Variants in RBM20 observed in about 807,000 individuals in gnomAD.
The protein encoded by RBM20 is RNA binding motif protein 20, also known as RNA-binding protein 20.
A neutral mutation model predicts 110.1 loss-of-function variants in RBM20; 51 were observed. The ratio of observed to expected loss-of-function variants is 0.46; its 90% confidence interval spans 0.37 to 0.59. The LOEUF is 0.59. Among genes scored for constraint, RBM20 ranks in the 20% least tolerant of loss-of-function variants. The pLI is 0.00. For missense variants in RBM20, 1,512 were observed against 1,574.9 expected (o/e 0.96, Z 0.68); for synonymous variants, 589 against 618.2 (o/e 0.95, Z 0.70).
chr10:110,689,460 A>G (rs1321386113), intron 1 of RBM20, among the ~76,000 whole-genome samples: 1 of 152,246 alleles, frequency 6.6e-6, no homozygotes, highest in African/African-American at 2.4e-5. Context: ...TCCATGGGCC[A>G]GCCTTCCCTT....
rs1413481295 is a variant in RBM20 at position 110,830,801 on chromosome 10, A to G, written c.3452-260A>G. Among the ~76,000 whole-genome samples the G allele has an allele frequency of 3.9e-5, 6 of 152,300 alleles. No individual in the cohort carries two copies. The East Asian group carries it at 1.2e-3, about 29-fold the overall frequency. ...AGAACAGGCCAGCGGCAGGCCATGG[A>G]ATGGCTAAGTGCTTACCACACCGCC... is the stretch of plus-strand genomic sequence containing the variant. On this transcript the variant is annotated intron_variant, in intron 12 of 13. Coordinates refer to ENST00000369519, the MANE Select transcript of RBM20 (RefSeq NM_001134363.3).
At chr10:110,649,245 T>A (rs963484912) in intron 1 of RBM20, among the ~76,000 whole-genome samples, 3 of 151,634 alleles carry the variant, frequency 2.0e-5, no homozygotes, top group African/African-American at 7.3e-5. Flanking sequence ...ATTTATTTAT[T>A]TATATATTTA....
At chr10:110,774,357 C>G (rs7909102) in intron 1 of RBM20, among the ~76,000 whole-genome samples, 3,135 of 152,286 alleles carry the variant, frequency 0.021, 113 homozygotes, top group African/African-American at 0.072. Context: ...GGCCCAAACA[C>G]AGAATAGCAG....
chr10:110,779,831 G>C (rs1564843348), intron 1 of RBM20, among the ~76,000 whole-genome samples: 1 of 152,202 alleles, frequency 6.6e-6, no homozygotes, highest in African/African-American at 2.4e-5. Context: ...ATTCAGACAG[G>C]AAGACAATTC....
intron 5 of RBM20, among the ~76,000 whole-genome samples, chr10:110,790,773 A>G (rs965489136): frequency 1.3e-5 from 2 of 152,112 alleles, no homozygotes; most frequent in Non-Finnish European, 2.9e-5. Context: ...TCATTTTTGT[A>G]TTTACCTTAA....
chr10:110,651,976 T>G (rs1331455367), intron 1 of RBM20, among the ~76,000 whole-genome samples: 1 of 152,210 alleles, frequency 6.6e-6, no homozygotes, highest in Non-Finnish European at 1.5e-5. Flanking sequence ...AAGTCTGTGA[T>G]TAAATCTTGA....
intron 5 of RBM20, among the ~76,000 whole-genome samples, chr10:110,793,323 C>A (rs981650296): frequency 6.6e-6 from 1 of 152,202 alleles, no homozygotes; most frequent in Non-Finnish European, 1.5e-5. Flanking sequence ...TGTCCCGCAT[C>A]TTCATATTTG....
intron 1 of RBM20, among the ~76,000 whole-genome samples, chr10:110,715,675 C>G (rs978040321): frequency 6.6e-6 from 1 of 152,208 alleles, no homozygotes; most frequent in African/African-American, 2.4e-5. Context: ...CCATATGATT[C>G]CTCAGGGACT....
At chr10:110,685,799 CTT>C (rs201357996) in intron 1 of RBM20, among the ~76,000 whole-genome samples, 1 of 151,454 alleles carries the variant, frequency 6.6e-6, no homozygotes, top group Non-Finnish European at 1.5e-5. Context: ...CAGGGCAAGA[CTT>C]TTTTTTTCGG....
chr10:110,808,031 G>A (rs1024930662), intron 7 of RBM20, among the ~76,000 whole-genome samples: 1 of 152,230 alleles, frequency 6.6e-6, no homozygotes, highest in East Asian at 1.9e-4. Flanking sequence ...CTGTGTGAAG[G>A]CAGTGCTGTG....
intron 1 of RBM20, among the ~76,000 whole-genome samples, chr10:110,746,292 A>T (rs1472820943): frequency 6.6e-6 from 1 of 152,210 alleles, no homozygotes; most frequent in African/African-American, 2.4e-5. Context: ...AAAGCAAGTC[A>T]AGAGCCCAGC....
At chr10:110,784,744 G>T in intron 4 of RBM20, 48 bp from the exon 5 acceptor site, 1 of 1,205,280 alleles carries the variant, frequency 8.3e-7, no homozygotes, top group South Asian at 1.3e-5. Flanking sequence ...AATGACTTTT[G>T]ATGTTACATT....
intron 12 of RBM20, among the ~76,000 whole-genome samples, chr10:110,827,236 C>T (rs985373427): frequency 8.6e-5 from 13 of 151,846 alleles, no homozygotes; most frequent in African/African-American, 2.7e-4. Context: ...ATAAAACTAG[C>T]CAGGAGTTGT....
rs1188914811 is a variant in RBM20, at chr10:110,739,258, G to A, written c.192-41543G>A. ...GCTGTGTTTTTAGGAAGATATTTGA[G>A]CAGGAGATCATGAAAATTTTGCAAG... is the stretch of plus-strand genomic sequence containing the variant. On this transcript the variant is annotated intron_variant, in intron 1 of 13. Transcript: ENST00000369519. This position sits in a 1 kb window ranked among gnomAD's most constrained non-coding sequence, Gnocchi z 4.1. Among the ~76,000 whole-genome samples the A allele has an allele frequency of 6.6e-6, 1 of 152,150 alleles. No homozygotes were observed. Among genetic ancestry groups the A allele is most frequent in the Non-Finnish European group, 1.5e-5 (1 of 68,030 alleles).
chr10:110,821,885 C>T lies in RBM20; in HGVS notation c.3266C>T (p.Pro1089Leu), dbSNP rs772708424. The T allele has an allele frequency of 4.5e-6, 7 of 1,551,720 alleles. No homozygotes were observed. The highest frequency in any genetic ancestry group is 1.7e-4 in the Middle Eastern group (1 of 5,990). Residue 1089 changes from proline to leucine, a missense_variant, in exon 11 of 14, where the codon CCC (proline) becomes CTC (leucine). Physicochemically the swap from Pro to Leu is moderately conservative, Grantham distance 98. Around this residue, in one of 3 missense-constraint regions of RBM20, gnomAD observed 358 missense variants for 384.2 expected, o/e 0.93. Transcript: ENST00000369519. ...CCCCTGGAGGAGAAAGCCAGCCCCC[C>T]CATCGAAACTGACCTCCAAAACCAA... ...GSPLEEKASPPIETDLQNQAC... is the reference protein window; with the variant it reads ...GSPLEEKASPLIETDLQNQAC...
chr10:110,738,915 T>C (rs1843699793), intron 1 of RBM20, among the ~76,000 whole-genome samples: 1 of 152,168 alleles, frequency 6.6e-6, no homozygotes, highest in Non-Finnish European at 1.5e-5. Flanking sequence ...ACTCTCCAGA[T>C]CTCGCCTTCC....
intron 1 of RBM20, among the ~76,000 whole-genome samples, chr10:110,652,722 G>A (rs1861969016): frequency 6.6e-6 from 1 of 152,196 alleles, no homozygotes; most frequent in Non-Finnish European, 1.5e-5. Flanking sequence ...ATCAGGCTGT[G>A]ATGAGAATCC....
chr10:110,759,299 G>T (rs750572157), intron 1 of RBM20, among the ~76,000 whole-genome samples: 1 of 152,142 alleles, frequency 6.6e-6, no homozygotes, highest in Non-Finnish European at 1.5e-5. Context: ...ATCCTAGGGG[G>T]CTCAGACCTC....
chr10:110,715,747 C>A (rs1251209555), intron 1 of RBM20, among the ~76,000 whole-genome samples: 1 of 152,224 alleles, frequency 6.6e-6, no homozygotes, highest in African/African-American at 2.4e-5. Flanking sequence ...GCCTTGATCA[C>A]TGAGATGGGG....
Sources: gnomAD v4.1 joint callset for allele counts (sites outside exome capture counted in the v4.1 genomes callset) on GRCh38, gnomAD v4.1.1 for gene constraint, gnomAD v4.1.1 regional missense constraint, Gnocchi (gnomAD v3.1) non-coding constraint, MANE v1.5 for transcripts, NCBI Gene and HGNC (gene_info 2026-07-23, HGNC 2026-07-21) for gene names.